The following NME7 variants were observed in gnomAD, a reference collection of about 807,000 sequenced individuals.
NME7 encodes nucleoside diphosphate kinase 7.
NME7 carries 41 observed loss-of-function variants against 49.1 expected under a neutral mutation model. The ratio of observed to expected loss-of-function variants is 0.83; its 90% CI spans 0.65 to 1.08. The LOEUF (loss-of-function observed/expected upper bound fraction) is 1.08, where lower values mean the gene tolerates loss of function less well. NME7 is among the 50% of genes least tolerant of loss of function. The pLI is 0.00. For synonymous variants in NME7, 139 were observed against 150.6 expected (o/e 0.92, Z 0.56); for missense variants, 423 against 463.4 (o/e 0.91, Z 0.80).
intron 6 of NME7, among the ~76,000 whole-genome samples, chr1:169,291,912 T>TA (rs1650523571): frequency 1.3e-5 from 2 of 152,042 alleles, no homozygotes; most frequent in Admixed American, 6.6e-5. Context: ...ACCAGGAAAC[T>TA]AAAAAATTCA....
rs545855499 is a variant in NME7, at chr1:169,220,108, C to A, written c.990+10610G>T. Reference sequence around the variant, plus strand: ...CCAACCTCTATACTTTAGCTTTCAACCCATATGTTGTTTTGAGAAGTGGGC... The same window carrying A: ...CCAACCTCTATACTTTAGCTTTCAAACCATATGTTGTTTTGAGAAGTGGGC... On this transcript the variant is annotated intron_variant, in intron 10 of 11. Transcript: ENST00000367811. 2.0e-5 allele frequency among the ~76,000 whole-genome samples: 3 copies of A among 152,232 alleles called. No individual in the cohort carries two copies. The East Asian group carries it at 5.8e-4, about 29-fold the overall frequency.
At chr1:169,202,429 G>A (rs1451683196) in intron 10 of NME7, among the ~76,000 whole-genome samples, 3 of 152,112 alleles carry the variant, frequency 2.0e-5, no homozygotes, top group Non-Finnish European at 4.4e-5. Context: ...ATAACAGTAA[G>A]CTTCCTGATG....
chr1:169,357,314 T>C (rs1021471584), intron 1 of NME7, among the ~76,000 whole-genome samples: 2 of 152,046 alleles, frequency 1.3e-5, no homozygotes, highest in Non-Finnish European at 2.9e-5. Context: ...ATCTCATATA[T>C]ATAGCATGTT....
At chr1:169,337,784 G>A (rs1368684355) in intron 1 of NME7, among the ~76,000 whole-genome samples, 2 of 152,194 alleles carry the variant, frequency 1.3e-5, no homozygotes, top group African/African-American at 2.4e-5. Flanking sequence ...CATTGTCAGA[G>A]GCTAGATTTT....
intron 1 of NME7, among the ~76,000 whole-genome samples, chr1:169,364,119 A>G (rs984244794): frequency 3.3e-5 from 5 of 152,222 alleles, no homozygotes; most frequent in Non-Finnish European, 5.9e-5. Flanking sequence ...CAGACCACTT[A>G]GCGCATTCTT....
chr1:169,359,027 G>C (rs537504740), intron 1 of NME7, among the ~76,000 whole-genome samples: 1 of 152,210 alleles, frequency 6.6e-6, no homozygotes, highest in South Asian at 2.1e-4. Flanking sequence ...CAGAGTAAAT[G>C]AAAGAATAAA....
At chr1:169,211,374 T>C (rs919738156) in intron 10 of NME7, among the ~76,000 whole-genome samples, 1 of 152,134 alleles carries the variant, frequency 6.6e-6, no homozygotes, top group Non-Finnish European at 1.5e-5. Flanking sequence ...TTTAATCCAA[T>C]CAGTTAACGT....
chr1:169,314,526 C>T (rs1343258127), intron 3 of NME7, among the ~76,000 whole-genome samples: 1 of 151,906 alleles, frequency 6.6e-6, no homozygotes, highest in East Asian at 1.9e-4. Context: ...GAAGAAAGCT[C>T]AGGATAAGAT....
intron 4 of NME7, among the ~76,000 whole-genome samples, chr1:169,307,444 G>T (rs1260402516): frequency 6.6e-6 from 1 of 152,144 alleles, no homozygotes; most frequent in Non-Finnish European, 1.5e-5. Context: ...TAATTAGAAG[G>T]GCTTGCATCT....
At chr1:169,315,891 A>C (rs1478304459) in intron 3 of NME7, among the ~76,000 whole-genome samples, 1 of 152,104 alleles carries the variant, frequency 6.6e-6, no homozygotes, top group Non-Finnish European at 1.5e-5. Context: ...CATATATTAA[A>C]AATATTAAAA....
chr1:169,350,244 A>AGG (rs879636669), intron 1 of NME7, among the ~76,000 whole-genome samples: 43,611 of 123,842 alleles, frequency 0.35, 8,280 homozygotes, highest in Non-Finnish European at 0.43. Flanking sequence ...GAAAGAAAGA[A>AGG]AGAAGGAAGG....
At chr1:169,182,220 TA>T (rs1029933026) in intron 10 of NME7, among the ~76,000 whole-genome samples, 1 of 151,020 alleles carries the variant, frequency 6.6e-6, no homozygotes, top group African/African-American at 2.4e-5. Context: ...CTTGCTGTAT[TA>T]ACCAGGCTAG....
rs1649134268 is a variant in NME7, at chr1:169,260,769, C to T, written c.755-23082G>A. 1.5e-5 allele frequency among the ~76,000 whole-genome samples: 2 copies of T among 134,026 alleles called. 1 individual carries two copies. Among genetic ancestry groups the T allele is most frequent in the African/African-American group, 5.0e-5 (2 of 39,656 alleles). The allele number at this position is 134,026 out of a possible 152,430, so 87.9% of individuals were successfully genotyped here. On this transcript the variant is annotated intron_variant, in intron 7 of 11. Coordinates refer to ENST00000367811, the MANE Select transcript of NME7 (RefSeq NM_013330.5). ...GGGCACATTCTATCTTTGCTACAAACTCTTTTTTAAGATATGTTTTCCTCA... is the reference window on the plus strand; with the variant it reads ...GGGCACATTCTATCTTTGCTACAAATTCTTTTTTAAGATATGTTTTCCTCA...
intron 1 of NME7, among the ~76,000 whole-genome samples, chr1:169,337,261 A>G (rs1652518739): frequency 6.6e-6 from 1 of 152,210 alleles, no homozygotes; most frequent in Non-Finnish European, 1.5e-5. Context: ...AATCGAGCGC[A>G]GCGCCGGTGG....
chr1:169,141,169 A>T (rs1413684847), intron 11 of NME7, among the ~76,000 whole-genome samples: 1 of 152,198 alleles, frequency 6.6e-6, no homozygotes, highest in Admixed American at 6.5e-5. Context: ...ACTGTCCTAG[A>T]TAGTTAGTCA....
intron 10 of NME7, among the ~76,000 whole-genome samples, chr1:169,193,379 CA>C (rs1258463319): frequency 7.9e-5 from 12 of 152,126 alleles, no homozygotes; most frequent in Non-Finnish European, 1.3e-4. Context: ...ATCCTGAGAA[CA>C]CCATGGCTCA....
intron 4 of NME7, among the ~76,000 whole-genome samples, chr1:169,309,464 T>G (rs1651299400): frequency 6.6e-6 from 1 of 152,164 alleles, no homozygotes; most frequent in Admixed American, 6.5e-5. Flanking sequence ...AAAATCACCA[T>G]GACAATGACC....
Position 169,215,909 on chromosome 1 carries a change from G to A in NME7, c.990+14809C>T, listed in dbSNP as rs548835568. Among the ~76,000 whole-genome samples the A allele has an allele frequency of 1.3e-4, 20 of 152,330 alleles. No individual in the cohort carries two copies. The South Asian group carries it at 2.1e-3, about 16-fold the overall frequency. On this transcript the variant is annotated intron_variant, in intron 10 of 11. Transcript: ENST00000367811. ...GCAATCTAAACAAGTCAAATTCATA[G>A]AAATTGAGAGTAGAATAGTAGTTGC...
intron 10 of NME7, among the ~76,000 whole-genome samples, chr1:169,228,071 CAT>C (rs1458967902): frequency 2.1e-5 from 3 of 142,844 alleles, no homozygotes; most frequent in African/African-American, 7.6e-5. Context: ...CACACACACA[CAT>C]ATATACGTGT....
Sources: allele counts gnomAD v4.1 joint callset (sites outside exome capture counted in the v4.1 genomes callset), GRCh38; gene constraint gnomAD v4.1.1; transcripts MANE v1.5; gene names NCBI Gene and HGNC (gene_info 2026-07-23, HGNC 2026-07-21).